The following NMNAT2 variants were observed in gnomAD, a reference collection of about 807,000 sequenced individuals.
NMNAT2 encodes the protein nicotinamide/nicotinic acid mononucleotide adenylyltransferase 2.
A neutral mutation model predicts 41.6 loss-of-function variants in NMNAT2; 11 were observed. That is an observed-to-expected ratio of 0.26 (90% confidence interval 0.17 to 0.44). NMNAT2 has a LOEUF of 0.44. Ranked by LOEUF, NMNAT2 falls within the 20% of genes least tolerant of loss-of-function variation. NMNAT2 has a pLI of 1.00. For synonymous variants in NMNAT2, 148 were observed against 151.2 expected (o/e 0.98, Z 0.16); for missense variants, 288 against 407.7 (o/e 0.71, Z 2.53).
At chr1:183,390,105 C>A (rs1159513269) in intron 1 of NMNAT2, among the ~76,000 whole-genome samples, 1 of 151,998 alleles carries the variant, frequency 6.6e-6, no homozygotes, top group African/African-American at 2.4e-5. Flanking sequence ...CTACTGTGGG[C>A]AGCAGTGGTA....
At chr1:183,392,619 C>T (rs1310355831) in intron 1 of NMNAT2, among the ~76,000 whole-genome samples, 1 of 152,222 alleles carries the variant, frequency 6.6e-6, no homozygotes, top group Non-Finnish European at 1.5e-5. Flanking sequence ...CACTATGTCT[C>T]TAATCCCATC....
chr1:183,341,725 C>CAAAAAAAAAAACAAAAA (rs1662811194), intron 1 of NMNAT2, among the ~76,000 whole-genome samples: 1 of 22,216 alleles, frequency 4.5e-5, no homozygotes, highest in African/African-American at 1.6e-4. Context: ...AAACAAACAC[C>CAAAAAAAAAAACAAAAA]AAAAAAAAAA....
At position 183,376,653 on chromosome 1, in the gene NMNAT2, T is replaced by G. The variant is rs1009326388; in HGVS notation, c.85+41530A>C. 2.6e-5 allele frequency among the ~76,000 whole-genome samples: 4 copies of G among 152,336 alleles called. No individual in the cohort carries two copies. In the South Asian group the frequency reaches 8.3e-4, roughly 32 times the overall value. ...CCCTCCCAATTATTTTTTATTTTAA[T>G]TTTGCTGTCCCATAAAATTCAAACC... On this transcript the variant is annotated intron_variant, in intron 1 of 10. Coordinates refer to ENST00000287713, the MANE Select transcript of NMNAT2 (RefSeq NM_015039.4).
At chr1:183,373,819 T>C (rs1557892925) in intron 1 of NMNAT2, among the ~76,000 whole-genome samples, 1 of 152,082 alleles carries the variant, frequency 6.6e-6, no homozygotes, top group Non-Finnish European at 1.5e-5. Context: ...GGTTTTACCA[T>C]GTTGGCCAAG....
chr1:183,399,025 C>T (rs1648733392), intron 1 of NMNAT2, among the ~76,000 whole-genome samples: 1 of 151,996 alleles, frequency 6.6e-6, no homozygotes, highest in Non-Finnish European at 1.5e-5. Flanking sequence ...AGCAAACACA[C>T]TCAAAAGCTA....
At chr1:183,408,159 T>G (rs1408311362) in intron 1 of NMNAT2, among the ~76,000 whole-genome samples, 1 of 152,198 alleles carries the variant, frequency 6.6e-6, no homozygotes, top group Non-Finnish European at 1.5e-5. Flanking sequence ...TTTAGATACT[T>G]CCATTCCAAC....
intron 1 of NMNAT2, among the ~76,000 whole-genome samples, chr1:183,335,225 C>T (rs963615289): frequency 1.1e-4 from 16 of 152,158 alleles, no homozygotes; most frequent in Middle Eastern, 3.2e-3. Context: ...TGTTAGATCC[C>T]GTCTCTGTTA....
At chr1:183,329,213 A>T (rs1009509495) in intron 1 of NMNAT2, among the ~76,000 whole-genome samples, 1 of 152,124 alleles carries the variant, frequency 6.6e-6, no homozygotes, top group East Asian at 1.9e-4. Context: ...TATTCCTTTA[A>T]TTCAAACAAA....
At chr1:183,307,393 G>C (rs1458343500) in intron 1 of NMNAT2, among the ~76,000 whole-genome samples, 1 of 146,562 alleles carries the variant, frequency 6.8e-6, no homozygotes, top group Non-Finnish European at 1.5e-5. Flanking sequence ...TGCAACCTCT[G>C]CCTCCTGGGT....
At chr1:183,341,885 G>C (rs1311016443) in intron 1 of NMNAT2, among the ~76,000 whole-genome samples, 1 of 152,026 alleles carries the variant, frequency 6.6e-6, no homozygotes, top group Non-Finnish European at 1.5e-5. Flanking sequence ...CTACCTGATG[G>C]AATCTGTGCT....
Position 183,275,991 on chromosome 1 carries a change from G to T in NMNAT2, c.651+2562C>A, listed in dbSNP as rs146042236. On this transcript the variant is annotated intron_variant, in intron 8 of 10. Coordinates refer to ENST00000287713, the MANE Select transcript of NMNAT2 (RefSeq NM_015039.4). ...GCCTAGTATTTCAGTTTTAAAACCG[G>T]GTAAGTCTTGCAGAAACGGGGACTA... is the stretch of plus-strand genomic sequence containing the variant. Among the ~76,000 whole-genome samples the T allele has an allele frequency of 2.1e-3, 325 of 152,218 alleles. 6 individuals are homozygous for T. In the East Asian group the frequency reaches 0.053, roughly 25 times the overall value.
chr1:183,275,899 C>T (rs1219435037), intron 8 of NMNAT2, among the ~76,000 whole-genome samples: 1 of 152,142 alleles, frequency 6.6e-6, no homozygotes, highest in Non-Finnish European at 1.5e-5. Context: ...GTCTTGATCT[C>T]CTGACCTCGT....
intron 1 of NMNAT2, among the ~76,000 whole-genome samples, chr1:183,346,716 T>G (rs946097603): frequency 2.6e-4 from 40 of 152,222 alleles, no homozygotes; most frequent in African/African-American, 9.4e-4. Flanking sequence ...TTTTTGTCTG[T>G]GAAACCAATT....
intron 1 of NMNAT2, among the ~76,000 whole-genome samples, chr1:183,312,572 A>T (rs1009219536): frequency 6.6e-6 from 1 of 150,598 alleles, no homozygotes; most frequent in African/African-American, 2.4e-5. Context: ...CAGTTCCTAA[A>T]AAAAAAAAAG....
intron 1 of NMNAT2, among the ~76,000 whole-genome samples, chr1:183,314,931 A>G (rs565480458): frequency 1.3e-3 from 197 of 152,178 alleles, no homozygotes; most frequent in Non-Finnish European, 2.3e-3. Flanking sequence ...AAACAAACCT[A>G]AGAATTCCCA....
chr1:183,416,377 A>G (rs1489867558), intron 1 of NMNAT2, among the ~76,000 whole-genome samples: 26 of 152,332 alleles, frequency 1.7e-4, no homozygotes, highest in Non-Finnish European at 1.5e-5. Flanking sequence ...AGGAAAACCC[A>G]TCATTGCCTG....
rs554542017 is a variant in NMNAT2, at chr1:183,295,991, GGCGCCTACCACCATGCCCA to G, written c.86-2217_86-2199del. 2.6e-3 allele frequency among the ~76,000 whole-genome samples: 393 copies of G among 152,206 alleles called. 11 individuals carry two copies. The East Asian group carries it at 0.063, about 24-fold the overall frequency. ...AGCCTCCCAAGTAGTTGGGATTACA[GGCGCCTACCACCATGCCCA>G]GCTAATTTTTTGTATTTTTAGTAGA... On this transcript the variant is annotated intron_variant, in intron 1 of 10. Coordinates refer to ENST00000287713, the MANE Select transcript of NMNAT2 (RefSeq NM_015039.4).
chr1:183,400,146 T>C (rs554833810), intron 1 of NMNAT2, among the ~76,000 whole-genome samples: 24 of 152,340 alleles, frequency 1.6e-4, no homozygotes, highest in African/African-American at 3.4e-4. Context: ...GATGACATGA[T>C]TGTATATTTA....
chr1:183,269,310 G>C (rs1421801996), intron 8 of NMNAT2, among the ~76,000 whole-genome samples: 1 of 152,190 alleles, frequency 6.6e-6, no homozygotes, highest in African/African-American at 2.4e-5. Context: ...ACAAGTACCA[G>C]GTCATCATGA....
Sources: gnomAD v4.1 joint callset for allele counts (sites outside exome capture counted in the v4.1 genomes callset) on GRCh38, gnomAD v4.1.1 for gene constraint, MANE v1.5 for transcripts, NCBI Gene and HGNC (gene_info 2026-07-23, HGNC 2026-07-21) for gene names.